BLTP3B: variants seen among roughly 807,000 people sequenced by gnomAD.
The protein encoded by BLTP3B is bridge-like lipid transfer protein family member 3B.
chr12:100,115,920 T>C, the BLTP3B span, among the ~76,000 whole-genome samples: 2 of 152,138 alleles, frequency 1.3e-5, no homozygotes, highest in Non-Finnish European at 2.9e-5. Context: ...CTCACGCCTG[T>C]AATCCCAGCA....
chr12:100,051,228 T>C, the BLTP3B span: 1 of 1,608,986 alleles, frequency 6.2e-7, no homozygotes, highest in Non-Finnish European at 8.5e-7. Context: ...TTTCCTGAAA[T>C]AACACAAAAG....
the BLTP3B span, among the ~76,000 whole-genome samples, chr12:100,083,792 T>A: frequency 2.0e-5 from 3 of 152,266 alleles, no homozygotes; most frequent in East Asian, 5.8e-4. Context: ...AAATTCTTCC[T>A]GGGTGTGACT....
chr12:100,059,389 A>G, the BLTP3B span: 1 of 1,614,014 alleles, frequency 6.2e-7, no homozygotes, highest in Non-Finnish European at 8.5e-7. Context: ...CAATCTTTAA[A>G]GTCTTGAAAC....
At chr12:100,086,364 A>G in the BLTP3B span, 75 of 597,468 alleles carry the variant, frequency 1.3e-4, no homozygotes, top group African/African-American at 5.1e-4. Context: ...TGACTCTGGG[A>G]AAAAAAAAGG....
At chr12:100,106,914 A>G in the BLTP3B span, among the ~76,000 whole-genome samples, 8 of 152,184 alleles carry the variant, frequency 5.3e-5, no homozygotes, top group Non-Finnish European at 1.2e-4. Context: ...AGCATGCAGT[A>G]TTTCAACTAA....
the BLTP3B span, among the ~76,000 whole-genome samples, chr12:100,052,087 T>G: frequency 6.6e-6 from 1 of 150,858 alleles, no homozygotes; most frequent in East Asian, 2.0e-4. Context: ...TTTTTTTAGA[T>G]GGAGTCTCAC....
At chr12:100,122,649 T>C in the BLTP3B span, among the ~76,000 whole-genome samples, 1 of 152,222 alleles carries the variant, frequency 6.6e-6, no homozygotes, top group Admixed American at 6.5e-5. Context: ...GGTGTGTCTG[T>C]GATCCAATAA....
the BLTP3B span, among the ~76,000 whole-genome samples, chr12:100,134,203 T>C: frequency 1.3e-5 from 2 of 152,216 alleles, no homozygotes; most frequent in African/African-American, 2.4e-5. Flanking sequence ...TAATTGTTTA[T>C]TGCATAAGCC....
At chr12:100,040,741 A>C in the BLTP3B span, among the ~76,000 whole-genome samples, 1 of 152,152 alleles carries the variant, frequency 6.6e-6, no homozygotes, top group Non-Finnish European at 1.5e-5. Context: ...GAAACAGACA[A>C]ATTCTTAAAA....
chr12:100,051,032 A>G, the BLTP3B span: 1 of 1,599,104 alleles, frequency 6.3e-7, no homozygotes, highest in Non-Finnish European at 8.5e-7. Context: ...TATGAAATAA[A>G]GTTGGTGGCA....
the BLTP3B span, among the ~76,000 whole-genome samples, chr12:100,102,407 C>T: frequency 1.7e-3 from 260 of 152,208 alleles, 1 homozygote; most frequent in African/African-American, 5.8e-3. Context: ...CCACCGCTCC[C>T]AGCCTCCCAA....
chr12:100,072,733 T>C, the BLTP3B span: 5 of 1,604,052 alleles, frequency 3.1e-6, no homozygotes, highest in Non-Finnish European at 3.4e-6. Flanking sequence ...CAGCTGACAT[T>C]TCTTGTGGAA....
the BLTP3B span, among the ~76,000 whole-genome samples, chr12:100,041,602 A>G: frequency 6.6e-6 from 1 of 151,878 alleles, no homozygotes; most frequent in Non-Finnish European, 1.5e-5. Flanking sequence ...ACACCCAGCT[A>G]ATTTTTGCAT....
the BLTP3B span, among the ~76,000 whole-genome samples, chr12:100,117,759 C>A: frequency 1.2e-4 from 18 of 152,092 alleles, no homozygotes; most frequent in African/African-American, 4.3e-4. Context: ...CTGTGGCCTC[C>A]CAAAGTGCTG....
chr12:100,096,171 C>T, the BLTP3B span, among the ~76,000 whole-genome samples: 1 of 151,940 alleles, frequency 6.6e-6, no homozygotes, highest in South Asian at 2.1e-4. Context: ...AGGAGAATTG[C>T]TTGGCCCAGG....
the BLTP3B span, among the ~76,000 whole-genome samples, chr12:100,134,518 G>A: frequency 1.3e-5 from 2 of 152,070 alleles, no homozygotes; most frequent in African/African-American, 2.4e-5. Flanking sequence ...TCGGGAGGCT[G>A]AGGCAGGAGA....
At chr12:100,136,760 A>G in the BLTP3B span, among the ~76,000 whole-genome samples, 5 of 151,062 alleles carry the variant, frequency 3.3e-5, no homozygotes, top group Non-Finnish European at 5.9e-5. Flanking sequence ...ACTTTTCTTC[A>G]GCAACTCACT....
chr12:100,039,479 C>G, the BLTP3B span: 5 of 1,104,046 alleles, frequency 4.5e-6, no homozygotes, highest in Non-Finnish European at 6.2e-6. Flanking sequence ...CACCTGGGCA[C>G]AATAACAAGC....
chr12:100,134,306 T>G, the BLTP3B span, among the ~76,000 whole-genome samples: 2 of 152,150 alleles, frequency 1.3e-5, no homozygotes, highest in South Asian at 4.1e-4. Flanking sequence ...CATCTCCAAT[T>G]AAATATCTAA....
Sources: gnomAD v4.1 joint callset for allele counts (sites outside exome capture counted in the v4.1 genomes callset) on GRCh38, gnomAD v4.1.1 for gene constraint, MANE v1.5 for transcripts, NCBI Gene and HGNC (gene_info 2026-07-23, HGNC 2026-07-21) for gene names.